Variants in PREX1 observed in about 807,000 individuals in gnomAD.
PREX1 encodes phosphatidylinositol 3,4,5-trisphosphate-dependent Rac exchanger 1 protein.
A neutral mutation model predicts 198.3 loss-of-function variants in PREX1; 41 were observed. That is an observed-to-expected ratio of 0.21 (90% CI 0.16 to 0.27). The LOEUF is 0.27. Among genes scored for constraint, PREX1 ranks in the 10% least tolerant of loss-of-function variants. PREX1 has a pLI of 1.00. For missense variants in PREX1, 1,620 were observed against 2,200.7 expected (o/e 0.74, Z 5.28); for synonymous variants, 843 against 887.2 (o/e 0.95, Z 0.89).
At chr20:48,795,840 C>T (rs1269583320) in intron 1 of PREX1, among the ~76,000 whole-genome samples, 1 of 152,206 alleles carries the variant, frequency 6.6e-6, no homozygotes, top group Non-Finnish European at 1.5e-5. Context: ...CCCAGGAGCT[C>T]AGCCCCAAGC....
intron 25 of PREX1, among the ~76,000 whole-genome samples, chr20:48,647,567 G>A (rs1443751872): frequency 6.7e-6 from 1 of 150,210 alleles, no homozygotes; most frequent in East Asian, 2.0e-4. Context: ...CCTTCTAAGT[G>A]AGCAGTGATG....
rs6125428 is a variant in PREX1, at chr20:48,676,285, C to A, written c.1590-17G>T. 8.7e-6 allele frequency: 14 copies of A among 1,611,536 alleles called. No individual in the cohort carries two copies. The highest frequency in any genetic ancestry group is 7.6e-6 in the Non-Finnish European group (9 of 1,178,130). ...TCACGGTCTCTGTGGAGAAGGTGAG[C>A]GCACAGTGAGCAGGGCAGGGCGGGG... On this transcript the variant is annotated splice_polypyrimidine_tract_variant and intron_variant, in intron 13 of 39. Coordinates refer to ENST00000371941, the MANE Select transcript of PREX1 (RefSeq NM_020820.4).
rs116748079 is a variant in PREX1, at chr20:48,653,101, G to A, written c.2346+260C>T. On this transcript the variant is annotated intron_variant, in intron 20 of 39. Transcript: ENST00000371941. The stretch of plus-strand genomic sequence containing the variant: ...ACTATGTGCCCAACATGCCTATGTG[G>A]TGAGGAGAGAGGGTCTGGTCACACC... 1.9e-3 allele frequency among the ~76,000 whole-genome samples: 290 copies of A among 152,288 alleles called. 4 individuals are homozygous for A. Among genetic ancestry groups the A allele is most frequent in the African/African-American group, 6.8e-3 (282 of 41,538 alleles).
intron 1 of PREX1, among the ~76,000 whole-genome samples, chr20:48,748,492 C>G (rs1313924471): frequency 6.6e-6 from 1 of 150,988 alleles, no homozygotes; most frequent in East Asian, 1.9e-4. Flanking sequence ...TTTTTTTAAC[C>G]TCTTTACACA....
At chr20:48,816,682 C>T (rs762019234) in intron 1 of PREX1, among the ~76,000 whole-genome samples, 1 of 152,026 alleles carries the variant, frequency 6.6e-6, no homozygotes, top group Non-Finnish European at 1.5e-5. Flanking sequence ...CCAGCCAATA[C>T]CCTGCAAAAA....
chr20:48,702,165 G>A (rs1325034686), intron 6 of PREX1, among the ~76,000 whole-genome samples: 5 of 148,398 alleles, frequency 3.4e-5, no homozygotes, highest in Non-Finnish European at 5.9e-5. Context: ...CTGAGATAAC[G>A]CCACTGAACT....
At chr20:48,632,200 G>A in intron 35 of PREX1, 77 bp downstream of exon 35, 2 of 1,403,464 alleles carry the variant, frequency 1.4e-6, no homozygotes, top group East Asian at 2.3e-5. Flanking sequence ...GGGTCCGCCT[G>A]GCACCTTCCA....
intron 1 of PREX1, among the ~76,000 whole-genome samples, chr20:48,793,148 G>A (rs2090346128): frequency 6.6e-6 from 1 of 152,200 alleles, no homozygotes; most frequent in Non-Finnish European, 1.5e-5. Context: ...AGGCTACAGT[G>A]AGCTGAGATC....
the PREX1 span, among the ~76,000 whole-genome samples, chr20:48,881,631 C>T: frequency 6.6e-6 from 1 of 152,090 alleles, no homozygotes; most frequent in Non-Finnish European, 1.5e-5. Flanking sequence ...GGTCTACAGG[C>T]ACCTGCCACG....
intron 10 of PREX1, 146 bp from the exon 11 acceptor site, chr20:48,681,481 C>A (rs2089750231): frequency 1.3e-6 from 1 of 770,996 alleles, no homozygotes; most frequent in East Asian, 2.6e-5. Flanking sequence ...GTCTATAGCC[C>A]TTGGGGTTGT....
chr20:48,754,078 A>C (rs1225471019), intron 1 of PREX1, among the ~76,000 whole-genome samples: 1 of 152,168 alleles, frequency 6.6e-6, no homozygotes, highest in Admixed American at 6.5e-5. Flanking sequence ...TGGAGAAAGG[A>C]TGGGAGAGAC....
intron 30 of PREX1, among the ~76,000 whole-genome samples, chr20:48,638,369 A>C (rs1003719835): frequency 6.6e-6 from 1 of 152,174 alleles, no homozygotes; most frequent in Non-Finnish European, 1.5e-5. Flanking sequence ...TAACAGCCTC[A>C]CATACATATT....
chr20:48,660,823 C>T (rs1311030739), intron 15 of PREX1, among the ~76,000 whole-genome samples: 2 of 152,198 alleles, frequency 1.3e-5, no homozygotes, highest in African/African-American at 4.8e-5. Context: ...TATGAACAGT[C>T]AATTAACATA....
At chr20:48,801,833 C>T (rs2090388570) in intron 1 of PREX1, among the ~76,000 whole-genome samples, 1 of 152,192 alleles carries the variant, frequency 6.6e-6, no homozygotes, top group Non-Finnish European at 1.5e-5. Context: ...TGGGCTGGTG[C>T]CATCCTCACA....
At chr20:48,660,495 T>C (rs2089582774) in intron 15 of PREX1, among the ~76,000 whole-genome samples, 1 of 152,060 alleles carries the variant, frequency 6.6e-6, no homozygotes, top group South Asian at 2.1e-4. Context: ...GGGAAAAAAA[T>C]TGAATCCCTA....
At chr20:48,663,504 GT>G (rs1315410182) in intron 15 of PREX1, among the ~76,000 whole-genome samples, 1 of 152,232 alleles carries the variant, frequency 6.6e-6, no homozygotes, top group East Asian at 1.9e-4. Context: ...TCCAGCCTGG[GT>G]GACAAGAGTG....
chr20:48,639,663 G>C, intron 30 of PREX1, 103 bp downstream of exon 30: 2 of 1,503,018 alleles, frequency 1.3e-6, no homozygotes, highest in South Asian at 1.3e-5. Flanking sequence ...TGGTCATGGA[G>C]AAACAGGGGT....
intron 1 of PREX1, among the ~76,000 whole-genome samples, chr20:48,826,298 T>A (rs951270802): frequency 6.6e-6 from 1 of 152,026 alleles, no homozygotes; most frequent in African/African-American, 2.4e-5. Flanking sequence ...TTAAAGACTT[T>A]AGAGTCTCCT....
At chr20:48,806,436 G>A (rs1236899336) in intron 1 of PREX1, among the ~76,000 whole-genome samples, 1 of 152,058 alleles carries the variant, frequency 6.6e-6, no homozygotes, top group Non-Finnish European at 1.5e-5. Flanking sequence ...TTTTTTGTTT[G>A]TTCTAAACTC....
Sources: gnomAD v4.1 joint callset for allele counts (sites outside exome capture counted in the v4.1 genomes callset) on GRCh38, gnomAD v4.1.1 for gene constraint, MANE v1.5 for transcripts, NCBI Gene and HGNC (gene_info 2026-07-23, HGNC 2026-07-21) for gene names.